Variants in PRKAG2 observed in about 807,000 individuals in gnomAD.
The protein encoded by PRKAG2 is protein kinase AMP-activated non-catalytic subunit gamma 2, also known as 5'-AMP-activated protein kinase subunit gamma-2.
In PRKAG2, 26 loss-of-function variants were observed where a neutral mutation model predicts 69.6. That is an observed-to-expected ratio of 0.37 (90% CI 0.27 to 0.52). The LOEUF (loss-of-function observed/expected upper bound fraction) is 0.52. Ranked by LOEUF, PRKAG2 falls within the 20% of genes least tolerant of loss-of-function variation. The pLI, the probability that PRKAG2 is intolerant of heterozygous loss-of-function variation, is 0.90. For missense variants in PRKAG2, 557 were observed against 740.0 expected, an observed-to-expected ratio of 0.75 and a Z score of 2.87; for synonymous variants, 293 against 285.0, an observed-to-expected ratio of 1.03 and a Z score of -0.28.
chr7:151,718,660 GT>G (rs35755070), intron 3 of PRKAG2, among the ~76,000 whole-genome samples: 53,327 of 148,720 alleles, frequency 0.36, 10,709 homozygotes, highest in African/African-American at 0.53. Context: ...AAAAACCCAG[GT>G]TTTTTTTGCA....
intron 1 of PRKAG2, among the ~76,000 whole-genome samples, chr7:151,873,477 T>C (rs572001395): frequency 6.6e-6 from 1 of 152,304 alleles, no homozygotes; most frequent in Non-Finnish European, 1.5e-5. Flanking sequence ...CAATGATCCA[T>C]AGGTAATGAC....
chr7:151,585,333 G>A (rs891104798), intron 6 of PRKAG2, among the ~76,000 whole-genome samples: 1 of 152,108 alleles, frequency 6.6e-6, no homozygotes, highest in Admixed American at 6.5e-5. Flanking sequence ...TTGGTTCAAC[G>A]GCTCAACAGG....
At chr7:151,568,434 C>T (rs1806763025) in intron 11 of PRKAG2, among the ~76,000 whole-genome samples, 1 of 152,192 alleles carries the variant, frequency 6.6e-6, no homozygotes, top group Non-Finnish European at 1.5e-5. Context: ...CCTTATTTCC[C>T]CTCATATGCT....
intron 3 of PRKAG2, among the ~76,000 whole-genome samples, chr7:151,746,062 T>C (rs1019413885): frequency 3.0e-4 from 40 of 134,372 alleles, no homozygotes; most frequent in African/African-American, 1.2e-3. Context: ...GGGTTTTCTG[T>C]TTAATTCTCT....
At chr7:151,802,281 ACTT>A (rs1312730199) in intron 1 of PRKAG2, among the ~76,000 whole-genome samples, 3 of 151,940 alleles carry the variant, frequency 2.0e-5, no homozygotes, top group Admixed American at 6.6e-5. Flanking sequence ...TGGATCATGA[ACTT>A]CTGCCCTTTG....
chr7:151,802,949 G>GAT (rs1554605681), intron 1 of PRKAG2, among the ~76,000 whole-genome samples: 6 of 103,060 alleles, frequency 5.8e-5, no homozygotes, highest in Admixed American at 1.7e-4. Context: ...TAAGCAATAT[G>GAT]ATATATATAT....
rs557431359 is a variant in PRKAG2, at chr7:151,736,195, G to A, written c.466+44957C>T. The A allele has an allele frequency of 1.1e-4, 161 of 1,413,806 alleles. No homozygotes were observed. In the South Asian group the frequency reaches 1.8e-3, roughly 16 times the overall value. The allele number at this position is 1,413,806 out of a possible 1,614,324, so 87.6% of individuals were successfully genotyped here. A position where few individuals can be genotyped will look rare whatever the true frequency, so the allele number is the denominator to read the frequency against. ...AGGGGGTCTTCAGGGCGACCTCACC[G>A]CAGCCCCAGAGTCTGTGAGGCGCCA... is the stretch of plus-strand genomic sequence containing the variant. On this transcript the variant is annotated intron_variant, in intron 3 of 15. Coordinates refer to ENST00000287878, the MANE Select transcript of PRKAG2 (RefSeq NM_016203.4).
At chr7:151,818,101 T>C (rs1017499721) in intron 1 of PRKAG2, among the ~76,000 whole-genome samples, 1 of 152,174 alleles carries the variant, frequency 6.6e-6, no homozygotes, top group Non-Finnish European at 1.5e-5. Flanking sequence ...AAATGGGATA[T>C]TGTCAAGTAT....
intron 4 of PRKAG2, among the ~76,000 whole-genome samples, chr7:151,665,031 T>C (rs112798208): frequency 7.2e-5 from 11 of 152,340 alleles, no homozygotes; most frequent in African/African-American, 2.6e-4. Context: ...ATGCAATCTG[T>C]GCATCTGTAG....
intron 1 of PRKAG2, among the ~76,000 whole-genome samples, chr7:151,818,751 C>T (rs750752948): frequency 4.0e-4 from 61 of 152,240 alleles, no homozygotes; most frequent in Admixed American, 4.0e-3. Flanking sequence ...ACTTTTATTT[C>T]ACTTGGGAGC....
In PRKAG2 at chr7:151,800,453, C is replaced by A. The variant is rs190133268; in HGVS notation, c.115-13912G>T. 7.9e-5 allele frequency among the ~76,000 whole-genome samples: 12 copies of A among 152,312 alleles called. No individual in the cohort carries two copies. The East Asian group carries it at 1.9e-3, about 24-fold the overall frequency. On this transcript the variant is annotated intron_variant, in intron 1 of 15. Transcript: ENST00000287878. ...TCTAGACTCAACCCCTCCAGCTCCT[C>A]CAAGGCCTTCCCAAAACAAATTCTG...
At chr7:151,796,771 AGGAC>A (rs1018098993) in intron 1 of PRKAG2, among the ~76,000 whole-genome samples, 3 of 152,104 alleles carry the variant, frequency 2.0e-5, no homozygotes, top group Admixed American at 2.0e-4. Context: ...TAAATGACTG[AGGAC>A]GGCCCGGGGG....
At chr7:151,601,796 A>G (rs1041711300) in intron 5 of PRKAG2, among the ~76,000 whole-genome samples, 3 of 152,250 alleles carry the variant, frequency 2.0e-5, no homozygotes, top group Non-Finnish European at 4.4e-5. Flanking sequence ...AGAGGCGGGG[A>G]TGCCGCAGGG....
rs1181821619 is a variant in PRKAG2, at chr7:151,850,393, A to G, written c.114+26114T>C. ...TGCTCAGCTAATAGGTTATTTCCTC[A>G]TCTTAGAAAGGAAGAAATGAACAGG... On this transcript the variant is annotated intron_variant, in intron 1 of 15. Transcript: ENST00000287878. The surrounding 1 kb of genome is among the most constrained non-coding windows in gnomAD (Gnocchi z 4.1). Among the ~76,000 whole-genome samples, 2 of 152,248 alleles carry G rather than the reference A, an allele frequency of 1.3e-5. No homozygotes were observed. The highest frequency in any genetic ancestry group is 3.8e-4 in the East Asian group (2 of 5,200).
chr7:151,867,133 G>A (rs1005908460), intron 1 of PRKAG2, among the ~76,000 whole-genome samples: 8 of 152,166 alleles, frequency 5.3e-5, no homozygotes, highest in African/African-American at 1.7e-4. Context: ...CCCCTTCCTG[G>A]GGCCTTGGCC....
At chr7:151,588,931 C>T (rs1324507848) in intron 6 of PRKAG2, among the ~76,000 whole-genome samples, 2 of 152,206 alleles carry the variant, frequency 1.3e-5, no homozygotes, top group African/African-American at 4.8e-5. Context: ...AAGGGGATGT[C>T]CCCCCTCTCT....
At chr7:151,842,597 G>A (rs1255311654) in intron 1 of PRKAG2, among the ~76,000 whole-genome samples, 3 of 146,608 alleles carry the variant, frequency 2.0e-5, no homozygotes, top group African/African-American at 7.7e-5. Context: ...TGGTAGGTAG[G>A]GATGGTAGTG....
chr7:151,726,525 C>G (rs1467613570), intron 3 of PRKAG2, among the ~76,000 whole-genome samples: 1 of 152,138 alleles, frequency 6.6e-6, no homozygotes, highest in Non-Finnish European at 1.5e-5. Flanking sequence ...CATGAGAGCA[C>G]TCTGTCACAG....
chr7:151,757,913 G>A (rs746322265), intron 3 of PRKAG2, among the ~76,000 whole-genome samples: 5 of 152,250 alleles, frequency 3.3e-5, no homozygotes, highest in Non-Finnish European at 7.3e-5. Context: ...TATGCCATCA[G>A]ATGGATTTGT....
Sources: allele counts gnomAD v4.1 joint callset (sites outside exome capture counted in the v4.1 genomes callset), GRCh38; gene constraint gnomAD v4.1.1; non-coding constraint Gnocchi (gnomAD v3.1); transcripts MANE v1.5; gene names NCBI Gene and HGNC (gene_info 2026-07-23, HGNC 2026-07-21).